The following SLC6A11 variants were observed in gnomAD, a reference collection of about 807,000 sequenced individuals.
The protein encoded by SLC6A11 is solute carrier family 6 member 11.
A neutral mutation model predicts 74.8 loss-of-function variants in SLC6A11; 25 were observed. The ratio of observed to expected loss-of-function variants is 0.33; its 90% CI spans 0.24 to 0.47. The LOEUF (loss-of-function observed/expected upper bound fraction) is 0.47, where lower values mean the gene tolerates loss of function less well. Ranked by LOEUF, SLC6A11 falls within the 20% of genes least tolerant of loss-of-function variation. The pLI is 1.00. For synonymous variants in SLC6A11, 330 were observed against 330.2 expected, an observed-to-expected ratio of 1.00 and a Z score of 0.01; for missense variants, 574 against 837.0, an observed-to-expected ratio of 0.69 and a Z score of 3.88.
At chr3:10,833,375 G>A (rs1313219347) in intron 4 of SLC6A11, among the ~76,000 whole-genome samples, 3 of 152,184 alleles carry the variant, frequency 2.0e-5, no homozygotes, top group Non-Finnish European at 4.4e-5. Flanking sequence ...TGCCAATTAA[G>A]TGTAAGGGGT....
At chr3:10,865,577 C>T (rs111673668) in intron 5 of SLC6A11, among the ~76,000 whole-genome samples, 6,069 of 152,268 alleles carry the variant, frequency 0.04, 173 homozygotes, top group Middle Eastern at 0.078. Context: ...GCAGGAGAAT[C>T]GCTTGAATCC....
At chr3:10,852,466 G>C (rs1227927369) in intron 5 of SLC6A11, among the ~76,000 whole-genome samples, 1 of 152,258 alleles carries the variant, frequency 6.6e-6, no homozygotes, top group Non-Finnish European at 1.5e-5. Context: ...AACCCTGGCA[G>C]CAAGGAAGCT....
chr3:10,829,307 G>A (rs926055445), intron 4 of SLC6A11, among the ~76,000 whole-genome samples: 2 of 152,166 alleles, frequency 1.3e-5, no homozygotes, highest in Non-Finnish European at 2.9e-5. Context: ...TGTTAGTTCT[G>A]GCTACTGGAG....
intron 4 of SLC6A11, among the ~76,000 whole-genome samples, chr3:10,839,806 A>C (rs566115235): frequency 3.3e-5 from 5 of 152,230 alleles, no homozygotes; most frequent in African/African-American, 1.2e-4. Context: ...CTCTTCCTCT[A>C]TTCCAAGCAC....
At chr3:10,836,261 A>T (rs1694365684) in intron 4 of SLC6A11, among the ~76,000 whole-genome samples, 1 of 152,240 alleles carries the variant, frequency 6.6e-6, no homozygotes, top group Non-Finnish European at 1.5e-5. Flanking sequence ...GAATCCGTTC[A>T]TCAGTTGATG....
rs143728372 is a variant in SLC6A11 at position 10,874,975 on chromosome 3, T to C, written c.771T>C (p.Thr257=). ...CTTGTGCACAGGTTGTATACGTGAC[T>C]GCGACATTCCCCTACATCATGCTGC... ...TKSTGKVVYV[T]ATFPYIMLLI... The change falls in exon 6 of 14, where the codon ACT becomes ACC. Residue 257 remains threonine, a synonymous_variant. Coordinates refer to ENST00000254488, the MANE Select transcript of SLC6A11 (RefSeq NM_014229.3). 8.5e-5 allele frequency: 137 copies of C among 1,612,624 alleles called. No individual in the cohort carries two copies. Among genetic ancestry groups the C allele is most frequent in the Admixed American group, 1.3e-4 (8 of 59,864 alleles).
At chr3:10,934,941 G>GGCTAGTCTGT (rs1444143988) in intron 12 of SLC6A11, 88 bp from the exon 13 acceptor site, 63 of 1,180,214 alleles carry the variant, frequency 5.3e-5, no homozygotes, top group Non-Finnish European at 7.2e-5. Context: ...GCCAGCCTCT[G>GGCTAGTCTGT]GCTAGTCTGT....
chr3:10,826,762 AC>A (rs1305438905), intron 4 of SLC6A11, among the ~76,000 whole-genome samples: 1 of 152,218 alleles, frequency 6.6e-6, no homozygotes, highest in Admixed American at 6.5e-5. Context: ...TGGCAAGAAC[AC>A]CTGCTGTCAT....
At chr3:10,883,854 AG>A (rs1695011492) in intron 6 of SLC6A11, among the ~76,000 whole-genome samples, 1 of 151,768 alleles carries the variant, frequency 6.6e-6, no homozygotes, top group Non-Finnish European at 1.5e-5. Flanking sequence ...GCCCTCACTG[AG>A]GTGGGGGCCA....
intron 5 of SLC6A11, among the ~76,000 whole-genome samples, chr3:10,856,916 C>T (rs2106592379): frequency 6.6e-6 from 1 of 152,274 alleles, no homozygotes; most frequent in South Asian, 2.1e-4. Context: ...CCCCACCTCA[C>T]GGGTTGTTAT....
intron 4 of SLC6A11, among the ~76,000 whole-genome samples, chr3:10,836,225 T>C (rs985845187): frequency 3.3e-5 from 5 of 152,250 alleles, no homozygotes; most frequent in African/African-American, 1.2e-4. Context: ...TATAAAATAC[T>C]GTTGCATGGG....
chr3:10,819,428 G>A (rs1694107227), intron 1 of SLC6A11, 37 bp from the exon 2 acceptor site: 1 of 1,587,134 alleles, frequency 6.3e-7, no homozygotes. Context: ...TGAATCGGCA[G>A]GGACAGTTTT....
chr3:10,913,968 C>T (rs1335590206), intron 7 of SLC6A11, among the ~76,000 whole-genome samples: 1 of 152,234 alleles, frequency 6.6e-6, no homozygotes, highest in Non-Finnish European at 1.5e-5. Flanking sequence ...GCTGGGATTA[C>T]AGGCTTGAGC....
intron 6 of SLC6A11, among the ~76,000 whole-genome samples, chr3:10,910,079 C>T (rs1695366598): frequency 6.6e-6 from 1 of 152,208 alleles, no homozygotes; most frequent in South Asian, 2.1e-4. Context: ...TTACCTGCCT[C>T]TCCCTGCCCC....
intron 5 of SLC6A11, among the ~76,000 whole-genome samples, chr3:10,850,652 C>T (rs372855935): frequency 1.6e-4 from 24 of 152,022 alleles, no homozygotes; most frequent in African/African-American, 5.6e-4. Flanking sequence ...TGAACTTGTG[C>T]GGCAAAGTAA....
chr3:10,823,507 T>C (rs1224329145), intron 4 of SLC6A11, 115 bp downstream of exon 4: 1 of 713,174 alleles, frequency 1.4e-6, no homozygotes, highest in Non-Finnish European at 2.5e-6. Context: ...GCCTGGCACT[T>C]CCTGGCTTCT....
chr3:10,865,096 G>A (rs1694748486), intron 5 of SLC6A11, among the ~76,000 whole-genome samples: 1 of 152,262 alleles, frequency 6.6e-6, no homozygotes, highest in Admixed American at 6.5e-5. Context: ...CTGGGTTGGA[G>A]AGGCATTGCT....
At chr3:10,887,298 TGATGGATG>T (rs113426564) in intron 6 of SLC6A11, among the ~76,000 whole-genome samples, 93 of 143,996 alleles carry the variant, frequency 6.5e-4, no homozygotes, top group East Asian at 3.1e-3. Flanking sequence ...GATAAATGGA[TGATGGATG>T]GATGGATGGA....
At chr3:10,936,596 G>T (rs1219221022) in intron 13 of SLC6A11, among the ~76,000 whole-genome samples, 1 of 152,220 alleles carries the variant, frequency 6.6e-6, no homozygotes, top group African/African-American at 2.4e-5. Flanking sequence ...AGCCACAAAG[G>T]AAAGTCTCTT....
Sources: allele counts gnomAD v4.1 joint callset (sites outside exome capture counted in the v4.1 genomes callset), GRCh38; gene constraint gnomAD v4.1.1; transcripts MANE v1.5; gene names NCBI Gene and HGNC (gene_info 2026-07-23, HGNC 2026-07-21).